SSX2IP: variants seen among roughly 807,000 people sequenced by gnomAD.
SSX2IP encodes SSX family member 2 interacting protein.
In SSX2IP, 55 loss-of-function variants were observed where a neutral mutation model predicts 84.9. That is an observed-to-expected ratio of 0.65 (90% CI 0.52 to 0.81). The LOEUF (loss-of-function observed/expected upper bound fraction) is 0.81, where lower values mean the gene tolerates loss of function less well. Ranked by LOEUF, SSX2IP falls within the 30% of genes least tolerant of loss-of-function variation. The pLI is 0.00. For missense variants in SSX2IP, 664 were observed against 705.2 expected, an observed-to-expected ratio of 0.94 and a Z score of 0.66; for synonymous variants, 239 against 234.7, an observed-to-expected ratio of 1.02 and a Z score of -0.17.
chr1:84,673,424 A>G (rs1557513583), intron 1 of SSX2IP, among the ~76,000 whole-genome samples: 5 of 152,354 alleles, frequency 3.3e-5, no homozygotes, highest in Middle Eastern at 6.8e-3. Flanking sequence ...GAAGGCCAGT[A>G]TATTTGAAGC....
At position 84,643,973 on chromosome 1, in the gene SSX2IP, A is replaced by C. The variant is rs1649203920; in HGVS notation, c.*3460T>G. On this transcript the variant is annotated 3_prime_UTR_variant, in exon 14 of 14. Coordinates refer to ENST00000342203, the MANE Select transcript of SSX2IP (RefSeq NM_001166293.2). ...CCACTCTAATTTACATCCAGCTTGA[A>C]AAACACTGTATTTAGAAAAAGGATT... 1 of 152,206 alleles carries C rather than the reference A, an allele frequency of 6.6e-6. No homozygotes were observed. Among genetic ancestry groups the C allele is most frequent in the South Asian group, 2.1e-4 (1 of 4,830 alleles). The allele number at this position is 152,206 out of a possible 1,614,324, so 9.4% of individuals were successfully genotyped here. A position where few individuals can be genotyped will look rare whatever the true frequency, so the allele number is the denominator to read the frequency against.
chr1:84,688,659 T>C (rs773067926), intron 1 of SSX2IP, among the ~76,000 whole-genome samples: 2 of 152,212 alleles, frequency 1.3e-5, no homozygotes, highest in African/African-American at 2.4e-5. Flanking sequence ...TAGCAAACAA[T>C]TTCAGCGTAA....
intron 1 of SSX2IP, among the ~76,000 whole-genome samples, chr1:84,684,909 C>T (rs1043078515): frequency 5.3e-5 from 8 of 150,588 alleles, no homozygotes; most frequent in Non-Finnish European, 8.9e-5. Context: ...TAAAAGACAC[C>T]GAGAGAATGA....
At position 84,650,481 on chromosome 1, in the gene SSX2IP, C is replaced by T; in HGVS notation, c.1551G>A (p.Lys517=). 6.2e-7 allele frequency: 1 copy of T among 1,614,166 alleles called. No homozygotes were observed. Among genetic ancestry groups the T allele is most frequent in the Non-Finnish European group, 8.5e-7 (1 of 1,180,026 alleles). Residue 517 remains lysine, a synonymous_variant, in exon 13 of 14, where the codon AAG becomes AAA. Transcript: ENST00000342203. ...NLIVHSRQPQ[K]KPHSVSNGSP... is the part of the protein sequence containing the mutation. Reference sequence around the variant, plus strand: ...ACCCATTAGACACACTGTGAGGCTTCTTTTGCGGCTGCCTCGAGTGCACTA... The same window carrying T: ...ACCCATTAGACACACTGTGAGGCTTTTTTTGCGGCTGCCTCGAGTGCACTA...
At chr1:84,653,026 C>T (rs1650541329) in intron 11 of SSX2IP, among the ~76,000 whole-genome samples, 1 of 151,222 alleles carries the variant, frequency 6.6e-6, no homozygotes, top group South Asian at 2.1e-4. Flanking sequence ...AGTGAGACTC[C>T]ATCTCAAAAA....
intron 8 of SSX2IP, among the ~76,000 whole-genome samples, chr1:84,659,560 G>A (rs908268092): frequency 1.3e-5 from 2 of 152,134 alleles, no homozygotes; most frequent in African/African-American, 4.8e-5. Flanking sequence ...AGCACTTTGG[G>A]AGGCAGAGGT....
intron 1 of SSX2IP, among the ~76,000 whole-genome samples, chr1:84,689,069 A>G (rs1656208096): frequency 6.6e-6 from 1 of 152,182 alleles, no homozygotes; most frequent in South Asian, 2.1e-4. Flanking sequence ...TGAATAACCT[A>G]AGCTTCCTAA....
chr1:84,657,977 C>G (rs1028935260), intron 9 of SSX2IP, among the ~76,000 whole-genome samples: 4 of 151,868 alleles, frequency 2.6e-5, no homozygotes, highest in South Asian at 4.2e-4. Flanking sequence ...CTACTAAAAA[C>G]ACACCAAAAA....
intron 1 of SSX2IP, among the ~76,000 whole-genome samples, chr1:84,689,855 A>G (rs1557543386): frequency 6.6e-6 from 1 of 152,218 alleles, no homozygotes; most frequent in Non-Finnish European, 1.5e-5. Flanking sequence ...ACTTTTTACT[A>G]GACCACTATC....
At position 84,662,214 on chromosome 1, in the gene SSX2IP, T is replaced by C. The variant is rs1300894500; in HGVS notation, c.911A>G (p.Asp304Gly). 6.3e-7 allele frequency: 1 copy of C among 1,595,220 alleles called. No homozygotes were observed. Among genetic ancestry groups the C allele is most frequent in the South Asian group, 1.1e-5 (1 of 87,190 alleles). Residue 304 changes from aspartate to glycine, a missense_variant, in exon 8 of 14, where the codon GAT (aspartate) becomes GGT (glycine). Asp to Gly is a moderately conservative substitution (Grantham distance 94). Transcript: ENST00000342203. ...GCCACTTACAGTTCCTGTACTATCATCTACTCTTTCTCTAGGTTTCTTCTT... is the reference window on the plus strand; with the variant it reads ...GCCACTTACAGTTCCTGTACTATCACCTACTCTTTCTCTAGGTTTCTTCTT... ...PQKKKPRERV[D>G]DSTGTVISDV... is the part of the protein sequence containing the mutation.
intron 8 of SSX2IP, among the ~76,000 whole-genome samples, 174 bp from the exon 9 acceptor site, chr1:84,658,642 T>G (rs564578970): frequency 6.6e-6 from 1 of 152,270 alleles, no homozygotes; most frequent in East Asian, 1.9e-4. Context: ...AAAATGAGAC[T>G]CCTAAATTCA....
intron 1 of SSX2IP, among the ~76,000 whole-genome samples, chr1:84,678,014 AG>A (rs1344662318): frequency 2.6e-5 from 4 of 152,212 alleles, no homozygotes; most frequent in African/African-American, 9.6e-5. Flanking sequence ...CAAGTTTTTA[AG>A]TATGTATATT....
intron 13 of SSX2IP, among the ~76,000 whole-genome samples, chr1:84,648,172 T>A (rs574533443): frequency 1.3e-5 from 2 of 152,238 alleles, no homozygotes; most frequent in East Asian, 3.9e-4. Flanking sequence ...AATATTAATA[T>A]AAACCGAGAT....
At chr1:84,648,842 CTAACT>C (rs1649818296) in intron 13 of SSX2IP, among the ~76,000 whole-genome samples, 1 of 152,142 alleles carries the variant, frequency 6.6e-6, no homozygotes, top group African/African-American at 2.4e-5. Context: ...ATCTACTGGT[CTAACT>C]TCAAAATAGA....
At chr1:84,659,968 C>T (rs1402823175) in intron 8 of SSX2IP, among the ~76,000 whole-genome samples, 3 of 151,934 alleles carry the variant, frequency 2.0e-5, no homozygotes, top group Non-Finnish European at 1.5e-5. Flanking sequence ...CCCAGGAGTT[C>T]GAGACCAGCC....
rs868158262 is a variant in SSX2IP at position 84,671,177 on chromosome 1, C to G, written c.43G>C (p.Glu15Gln). Residue 15 changes from glutamate (E) to glutamine (Q), a missense_variant and splice_region_variant, in exon 2 of 14, where the codon GAA becomes CAA. Transcript: ENST00000342203. Reference sequence around the variant, plus strand: ...TTTACAATTATTTAGACTTAATTACCTGAAGACAGACCTGGATCTGTAACA... The same window carrying G: ...TTTACAATTATTTAGACTTAATTACGTGAAGACAGACCTGGATCTGTAACA... ...MTVTDPGLSS[E>Q]SKTISQYTSE... is the part of the protein sequence containing the mutation. 5.6e-6 allele frequency: 9 copies of G among 1,610,108 alleles called. No homozygotes were observed. The Admixed American group carries it at 1.0e-4, about 18-fold the overall frequency.
rs1651039766 is a variant in SSX2IP, at chr1:84,655,998, A to C, written c.1223T>G (p.Leu408Arg). The C allele has an allele frequency of 6.2e-7, 1 of 1,608,850 alleles. No homozygotes were observed. Among genetic ancestry groups the C allele is most frequent in the East Asian group, 2.2e-5 (1 of 44,848 alleles). ...KTQQQLLQQQ[L>R]ATAYDDDTTS... Reference sequence around the variant, plus strand: ...GGTATCATCATCATATGCAGTAGCGAGCTGCTGCTATTAAAATTTAAAACA... The same window carrying C: ...GGTATCATCATCATATGCAGTAGCGCGCTGCTGCTATTAAAATTTAAAACA... Residue 408 changes from leucine to arginine, a missense_variant, in exon 11 of 14, where the codon CTC becomes CGC. Physicochemically the swap from Leu to Arg is moderately radical, Grantham distance 102. Coordinates refer to ENST00000342203, the MANE Select transcript of SSX2IP (RefSeq NM_001166293.2).
intron 5 of SSX2IP, among the ~76,000 whole-genome samples, chr1:84,665,488 CA>C (rs1553129321): frequency 6.6e-6 from 1 of 152,070 alleles, no homozygotes; most frequent in Non-Finnish European, 1.5e-5. Context: ...ATTACATGGT[CA>C]GGGGTCATAC....
At chr1:84,677,471 T>C (rs1040621260) in intron 1 of SSX2IP, among the ~76,000 whole-genome samples, 1 of 152,146 alleles carries the variant, frequency 6.6e-6, no homozygotes, top group Non-Finnish European at 1.5e-5. Flanking sequence ...TGTAGAACTT[T>C]AGGTAAGCAG....
Sources: allele counts gnomAD v4.1 joint callset (sites outside exome capture counted in the v4.1 genomes callset), GRCh38; gene constraint gnomAD v4.1.1; transcripts MANE v1.5; gene names NCBI Gene and HGNC (gene_info 2026-07-23, HGNC 2026-07-21).